The following ATR variants were observed in gnomAD, a reference collection of about 807,000 sequenced individuals.
ATR encodes serine/threonine-protein kinase ATR.
Under a neutral mutation model 305.3 loss-of-function variants are expected in ATR, and 142 were observed. The ratio of observed to expected loss-of-function variants is 0.47; its 90% confidence interval spans 0.41 to 0.53. The LOEUF is 0.53. Ranked by LOEUF, ATR falls within the 20% of genes least tolerant of loss-of-function variation. ATR has a pLI of 0.00. For synonymous variants in ATR, 1,050 were observed against 1,068.1 expected (o/e 0.98, Z 0.33); for missense variants, 2,135 against 3,133.1 (o/e 0.68, Z 7.60).
chr3:142,468,056 T>C lies in ATR; in HGVS notation c.6565A>G (p.Met2189Val), dbSNP rs759909672. ...MTAVSKSSYPMRVNRCKEILN... is the reference protein window; with the variant it reads ...MTAVSKSSYPVRVNRCKEILN... Reference sequence around the variant, plus strand: ...ATTTCCTTGCATCTGTTCACACGCATGGGATAAGATGACTGTCATAAAAAA... The same window carrying C: ...ATTTCCTTGCATCTGTTCACACGCACGGGATAAGATGACTGTCATAAAAAA... The change falls in exon 39 of 47, where the codon ATG becomes GTG. Residue 2189 changes from methionine to valine, a missense_variant. Transcript: ENST00000350721. 2.5e-6 allele frequency: 4 copies of C among 1,612,394 alleles called. No homozygotes were observed. Among genetic ancestry groups the C allele is most frequent in the Non-Finnish European group, 3.4e-6 (4 of 1,179,318 alleles).
chr3:142,516,122 C>T (rs1410382726), intron 24 of ATR, among the ~76,000 whole-genome samples: 2 of 152,168 alleles, frequency 1.3e-5, no homozygotes, highest in African/African-American at 4.8e-5. Context: ...TTCCAGCACA[C>T]CCATTCTCTC....
chr3:142,488,421 C>A (rs1315778021), intron 35 of ATR, among the ~76,000 whole-genome samples: 1 of 152,068 alleles, frequency 6.6e-6, no homozygotes, highest in African/African-American at 2.4e-5. Flanking sequence ...TTTCTCCCTG[C>A]ACCTGACCTC....
intron 21 of ATR, among the ~76,000 whole-genome samples, chr3:142,534,675 A>G (rs903013105): frequency 6.6e-6 from 1 of 152,200 alleles, no homozygotes; most frequent in African/African-American, 2.4e-5. Context: ...AAGTAAACTT[A>G]AAGATTTAGC....
In ATR at chr3:142,449,616, A is replaced by T; in HGVS notation, c.7762-14T>A. 6.2e-7 allele frequency: 1 copy of T among 1,613,164 alleles called. No homozygotes were observed. The highest frequency in any genetic ancestry group is 1.3e-5 in the African/African-American group (1 of 75,026). On this transcript the variant is annotated splice_polypyrimidine_tract_variant and intron_variant, in intron 46 of 46. Transcript: ENST00000350721. Reference sequence around the variant, plus strand: ...ATGGGTCTTGGCCTAAAAAGAAGAAACATAAAACCAAAAACAGATGTTAAT... The same window carrying T: ...ATGGGTCTTGGCCTAAAAAGAAGAATCATAAAACCAAAAACAGATGTTAAT...
At chr3:142,456,233 G>A (rs1423065117) in intron 45 of ATR, among the ~76,000 whole-genome samples, 1 of 152,006 alleles carries the variant, frequency 6.6e-6, no homozygotes, top group African/African-American at 2.4e-5. Context: ...CTGCACTCCA[G>A]CCTGGGCGAC....
chr3:142,471,248 C>T (rs1369407854), intron 36 of ATR, among the ~76,000 whole-genome samples: 1 of 152,142 alleles, frequency 6.6e-6, no homozygotes, highest in Non-Finnish European at 1.5e-5. Context: ...ATAATGTCCT[C>T]GAGGTTCATC....
At chr3:142,468,122 A>G in intron 38 of ATR, 54 bp from the exon 39 acceptor site, 1 of 1,590,660 alleles carries the variant, frequency 6.3e-7, no homozygotes, top group South Asian at 1.1e-5. Flanking sequence ...AGGATTTTTA[A>G]AAGATAAATT....
intron 19 of ATR, among the ~76,000 whole-genome samples, chr3:142,537,575 AAC>A (rs1388466054): frequency 2.0e-5 from 3 of 152,198 alleles, no homozygotes; most frequent in African/African-American, 7.2e-5. Flanking sequence ...ACTAAATAAA[AAC>A]ACATTAACTT....
intron 5 of ATR, 103 bp from the exon 6 acceptor site, chr3:142,560,557 C>A (rs1405795445): frequency 4.2e-6 from 5 of 1,178,988 alleles, no homozygotes; most frequent in Non-Finnish European, 4.7e-6. Context: ...ATCAACTATT[C>A]AAAAAAATTT....
chr3:142,556,091 A>T lies in ATR; in HGVS notation c.2127T>A (p.Ser709=), dbSNP rs376286942. 25 of 1,613,372 alleles carry T rather than the reference A, an allele frequency of 1.5e-5. No homozygotes were observed. Among genetic ancestry groups the T allele is most frequent in the Non-Finnish European group, 1.9e-5 (22 of 1,179,800 alleles). ...GAGTACAGACAAGTTGACCAAGTAT[A>T]GAAGCAAATTCTTTCTTGACAATGT... ...DSDIVKKEFA[S]ILGQLVCTLH... Residue 709 remains serine, a synonymous_variant, in exon 10 of 47, where the codon TCT becomes TCA. Coordinates refer to ENST00000350721, the MANE Select transcript of ATR (RefSeq NM_001184.4).
At chr3:142,450,232 C>T (rs906876161) in intron 46 of ATR, 6 of 619,152 alleles carry the variant, frequency 9.7e-6, no homozygotes, top group African/African-American at 1.8e-5. Flanking sequence ...CAGCAGAACT[C>T]CAGGTATTAA....
chr3:142,523,874 TTGTC>T (rs2033259074), intron 22 of ATR, 115 bp downstream of exon 22: 9 of 1,057,468 alleles, frequency 8.5e-6, no homozygotes, highest in South Asian at 1.7e-5. Context: ...AGTTAACTGA[TTGTC>T]TGGTTCTAGG....
At chr3:142,510,499 T>C (rs1404624341) in intron 27 of ATR, among the ~76,000 whole-genome samples, 1 of 152,088 alleles carries the variant, frequency 6.6e-6, no homozygotes, top group Non-Finnish European at 1.5e-5. Context: ...CATTCAATAG[T>C]TAAATATAAA....
intron 21 of ATR, among the ~76,000 whole-genome samples, chr3:142,533,991 A>G (rs547465867): frequency 6.6e-6 from 1 of 152,224 alleles, no homozygotes; most frequent in South Asian, 2.1e-4. Flanking sequence ...CTAGGAAGTG[A>G]TGATTGAGGT....
Position 142,477,792 on chromosome 3 carries a change from G to T in ATR, c.6221+7348C>A, listed in dbSNP as rs180968321. Among the ~76,000 whole-genome samples, 38 of 152,290 alleles carry T rather than the reference G, an allele frequency of 2.5e-4. 1 individual carries two copies. The highest frequency in any genetic ancestry group is 2.5e-3 in the South Asian group (12 of 4,828). ...AGAGCCTGTTATTGGTCCATTAAGA[G>T]ATTCAACTTCTTCCTGGTTTAGTCT... is the stretch of plus-strand genomic sequence containing the variant. On this transcript the variant is annotated intron_variant, in intron 36 of 46. Transcript: ENST00000350721.
intron 21 of ATR, among the ~76,000 whole-genome samples, chr3:142,533,321 T>C (rs574331010): frequency 3.9e-5 from 6 of 152,254 alleles, no homozygotes; most frequent in Non-Finnish European, 7.4e-5. Context: ...CAAAATTAAA[T>C]AGAATTAAAA....
intron 46 of ATR, chr3:142,451,183 CTTG>C: frequency 8.4e-7 from 1 of 1,191,142 alleles, no homozygotes; most frequent in East Asian, 5.8e-5. Context: ...AAAACTTCAA[CTTG>C]TTGGGGATCG....
At chr3:142,568,886 G>A (rs2035167484) in intron 1 of ATR, among the ~76,000 whole-genome samples, 1 of 152,228 alleles carries the variant, frequency 6.6e-6, no homozygotes, top group Non-Finnish European at 1.5e-5. Flanking sequence ...TGGACTTTGG[G>A]CAGGCCAAGC....
chr3:142,553,631 C>T lies in ATR; in HGVS notation c.2633+9G>A. ...AAATAAGGAAGAACACAAATGCTGC[C>T]AAGTATACCTTCCAATATCCCCTGT... On this transcript the variant is annotated intron_variant, in intron 12 of 46. Coordinates refer to ENST00000350721, the MANE Select transcript of ATR (RefSeq NM_001184.4). 1.3e-6 allele frequency: 2 copies of T among 1,592,088 alleles called. No homozygotes were observed. Among genetic ancestry groups the T allele is most frequent in the Non-Finnish European group, 1.7e-6 (2 of 1,161,714 alleles).
Sources: gnomAD v4.1 joint callset for allele counts (sites outside exome capture counted in the v4.1 genomes callset) on GRCh38, gnomAD v4.1.1 for gene constraint, MANE v1.5 for transcripts, NCBI Gene and HGNC (gene_info 2026-07-23, HGNC 2026-07-21) for gene names.